ST3GAL3: variants seen among roughly 807,000 people sequenced by gnomAD.
The protein encoded by ST3GAL3 is ST3 beta-galactoside alpha-2,3-sialyltransferase 3.
Under a neutral mutation model 50.1 loss-of-function variants are expected in ST3GAL3, and 21 were observed. The observed-to-expected ratio is 0.42, with a 90% CI of 0.30 to 0.60. The LOEUF (loss-of-function observed/expected upper bound fraction) is 0.60, where lower values mean the gene tolerates loss of function less well. ST3GAL3 is among the 20% of genes least tolerant of loss of function. ST3GAL3 has a pLI of 0.19. For missense variants in ST3GAL3, 353 were observed against 489.4 expected (o/e 0.72, Z 2.63); for synonymous variants, 183 against 190.0 (o/e 0.96, Z 0.30).
chr1:43,836,841 C>G (rs1408214922), intron 4 of ST3GAL3, among the ~76,000 whole-genome samples: 1 of 152,214 alleles, frequency 6.6e-6, no homozygotes. Context: ...GCAGTGACTC[C>G]AGACCCACAT....
At chr1:43,893,448 C>T (rs575060325) in intron 5 of ST3GAL3, among the ~76,000 whole-genome samples, 1 of 152,362 alleles carries the variant, frequency 6.6e-6, no homozygotes, top group East Asian at 1.9e-4. Flanking sequence ...GCCTTCAAAG[C>T]AGGGTGCTAG....
intron 5 of ST3GAL3, among the ~76,000 whole-genome samples, chr1:43,865,013 G>A (rs1274280793): frequency 4.5e-5 from 6 of 132,348 alleles, no homozygotes; most frequent in Non-Finnish European, 6.6e-5. Flanking sequence ...GAGTATCTAT[G>A]TACAACATTT....
intron 4 of ST3GAL3, 144 bp from the exon 5 acceptor site, chr1:43,838,075 A>C: frequency 6.9e-6 from 4 of 575,614 alleles, no homozygotes; most frequent in Non-Finnish European, 9.1e-6. Context: ...AGATTGCGCC[A>C]CTGCACTCCA....
intron 5 of ST3GAL3, among the ~76,000 whole-genome samples, chr1:43,855,016 C>A (rs1056715550): frequency 1.2e-4 from 18 of 152,138 alleles, no homozygotes; most frequent in Admixed American, 1.2e-3. Flanking sequence ...TCTCTCTCAT[C>A]TCTTAAAAAG....
In ST3GAL3 at chr1:43,740,922, A is replaced by AAGGAAGGGAGGGAGGAAAGG. The variant is rs368299105; in HGVS notation, c.118+4550_118+4569dup. 4.7e-4 allele frequency among the ~76,000 whole-genome samples: 70 copies of AAGGAAGGGAGGGAGGAAAGG among 150,326 alleles called. 1 individual carries two copies. The highest frequency in any genetic ancestry group is 1.6e-3 in the African/African-American group (64 of 41,158). ...GGAGCGAGGAAGGGAGGGAGGAAAG[A>AAGGAAGGGAGGGAGGAAAGG]AGGAAGGGAGGGAGGAAAGGAGGAA... On this transcript the variant is annotated intron_variant, in intron 2 of 11. Coordinates refer to ENST00000347631, the MANE Select transcript of ST3GAL3 (RefSeq NM_006279.5).
intron 2 of ST3GAL3, among the ~76,000 whole-genome samples, chr1:43,743,981 G>A (rs776827009): frequency 2.6e-5 from 4 of 151,998 alleles, no homozygotes; most frequent in Non-Finnish European, 4.4e-5. Flanking sequence ...AAAGATACTG[G>A]TTCTGTGAAA....
chr1:43,918,609 T>G (rs2082488939), intron 9 of ST3GAL3, among the ~76,000 whole-genome samples: 1 of 152,132 alleles, frequency 6.6e-6, no homozygotes, highest in African/African-American at 2.4e-5. Flanking sequence ...TATATATATA[T>G]AATTGTTGTA....
chr1:43,836,373 T>C (rs993832761), intron 4 of ST3GAL3, among the ~76,000 whole-genome samples: 1 of 152,214 alleles, frequency 6.6e-6, no homozygotes, highest in South Asian at 2.1e-4. Flanking sequence ...ATTTCCGTGG[T>C]GGGGGATGCT....
intron 5 of ST3GAL3, among the ~76,000 whole-genome samples, chr1:43,867,860 A>C (rs753958690): frequency 3.9e-5 from 6 of 152,342 alleles, no homozygotes; most frequent in Non-Finnish European, 7.3e-5. Flanking sequence ...TAAGGGTTGA[A>C]TAGGATGAAG....
At chr1:43,772,341 T>A in intron 2 of ST3GAL3, 1 of 276,796 alleles carries the variant, frequency 3.6e-6, no homozygotes, top group Non-Finnish European at 6.7e-6. Flanking sequence ...AGCCACTGCG[T>A]CTGGCCAGTG....
At chr1:43,830,114 C>T (rs889219188) in intron 4 of ST3GAL3, among the ~76,000 whole-genome samples, 1 of 149,588 alleles carries the variant, frequency 6.7e-6, no homozygotes. Context: ...TCCTCCCAAC[C>T]TCAGCCTCCC....
chr1:43,765,753 C>CTGTG (rs778848698), intron 2 of ST3GAL3, among the ~76,000 whole-genome samples: 7,870 of 115,496 alleles, frequency 0.068, 290 homozygotes, highest in Middle Eastern at 0.11. Flanking sequence ...CTGTGTGTGT[C>CTGTG]TGTGTGTGTG....
intron 3 of ST3GAL3, among the ~76,000 whole-genome samples, chr1:43,794,291 C>T (rs2058440755): frequency 6.6e-6 from 1 of 152,062 alleles, no homozygotes; most frequent in Admixed American, 6.6e-5. Flanking sequence ...GTCCAAATGG[C>T]CAATAAACCC....
chr1:43,756,562 ACG>A (rs1356835672), intron 2 of ST3GAL3, among the ~76,000 whole-genome samples: 5 of 147,968 alleles, frequency 3.4e-5, no homozygotes, highest in African/African-American at 1.0e-4. Context: ...ACACACACAC[ACG>A]CACGCACACA....
intron 4 of ST3GAL3, among the ~76,000 whole-genome samples, chr1:43,837,751 G>T (rs971663133): frequency 6.6e-6 from 1 of 152,176 alleles, no homozygotes; most frequent in Admixed American, 6.5e-5. Context: ...CGAGAGGATC[G>T]CTTGAACTCA....
intron 1 of ST3GAL3, among the ~76,000 whole-genome samples, chr1:43,730,883 T>G (rs1675443155): frequency 6.6e-6 from 1 of 152,314 alleles, no homozygotes; most frequent in South Asian, 2.1e-4. Context: ...TAAAACTTTA[T>G]GTATTTACTT....
chr1:43,844,560 G>A (rs1039861346), intron 5 of ST3GAL3, among the ~76,000 whole-genome samples: 6 of 152,050 alleles, frequency 3.9e-5, no homozygotes, highest in Admixed American at 6.6e-5. Context: ...GCCTGTAATC[G>A]CAGCACTTTG....
intron 2 of ST3GAL3, among the ~76,000 whole-genome samples, chr1:43,739,736 G>C (rs1434463552): frequency 6.6e-6 from 1 of 152,136 alleles, no homozygotes; most frequent in Non-Finnish European, 1.5e-5. Context: ...TCCTTCCAGA[G>C]AGAAAATTTA....
At chr1:43,819,389 G>A (rs371883164) in intron 4 of ST3GAL3, among the ~76,000 whole-genome samples, 4 of 152,054 alleles carry the variant, frequency 2.6e-5, no homozygotes, top group South Asian at 2.1e-4. Context: ...CACCGTGCCC[G>A]GCAATTTTAT....
Sources: gnomAD v4.1 joint callset for allele counts (sites outside exome capture counted in the v4.1 genomes callset) on GRCh38, gnomAD v4.1.1 for gene constraint, MANE v1.5 for transcripts, NCBI Gene and HGNC (gene_info 2026-07-23, HGNC 2026-07-21) for gene names.